DNAH14: variants seen among roughly 807,000 people sequenced by gnomAD.
DNAH14 encodes axonemal beta dynein heavy chain 14.
A neutral mutation model predicts 520.9 loss-of-function variants in DNAH14; 478 were observed. That is an observed-to-expected ratio of 0.92 (90% CI 0.85 to 0.99). The LOEUF is 0.99. Ranked by LOEUF, DNAH14 falls within the 50% of genes least tolerant of loss-of-function variation. The pLI is 0.00. For synonymous variants in DNAH14, 1,581 were observed against 1,757.2 expected, an observed-to-expected ratio of 0.90 and a Z score of 2.51; for missense variants, 4,831 against 5,234.5, an observed-to-expected ratio of 0.92 and a Z score of 2.38.
chr1:224,974,529 G>A (rs1361138779), intron 8 of DNAH14, among the ~76,000 whole-genome samples: 2 of 152,022 alleles, frequency 1.3e-5, no homozygotes, highest in Non-Finnish European at 2.9e-5. Flanking sequence ...TGAGATAATC[G>A]TGGATTGAGA....
At chr1:225,388,759 A>G (rs1334397371) in intron 82 of DNAH14, among the ~76,000 whole-genome samples, 2 of 152,186 alleles carry the variant, frequency 1.3e-5, no homozygotes, top group Non-Finnish European at 1.5e-5. Context: ...GAAATGTGAA[A>G]GGAAATAATT....
At chr1:224,958,476 G>A (rs551630968) in intron 3 of DNAH14, among the ~76,000 whole-genome samples, 3 of 152,120 alleles carry the variant, frequency 2.0e-5, no homozygotes, top group African/African-American at 7.2e-5. Context: ...TGGGAGTTTC[G>A]GATATTGGCA....
intron 10 of DNAH14, among the ~76,000 whole-genome samples, chr1:225,013,709 T>G (rs2064987279): frequency 6.6e-6 from 1 of 152,116 alleles, no homozygotes; most frequent in Non-Finnish European, 1.5e-5. Context: ...GGTGCTGTGG[T>G]AGGGTCTGCC....
chr1:225,251,115 A>G (rs982529504), intron 43 of DNAH14, among the ~76,000 whole-genome samples: 1 of 152,146 alleles, frequency 6.6e-6, no homozygotes, highest in Non-Finnish European at 1.5e-5. Context: ...AAGGAATTTG[A>G]CAGACTAAGA....
At chr1:225,351,603 A>C in intron 71 of DNAH14, 44 bp from the exon 72 acceptor site, 1 of 1,398,384 alleles carries the variant, frequency 7.2e-7, no homozygotes, top group South Asian at 1.5e-5. Flanking sequence ...CTAAAAGGTA[A>C]AGGTTTATCT....
chr1:224,995,210 C>A (rs1427298428), intron 8 of DNAH14, among the ~76,000 whole-genome samples: 1 of 152,054 alleles, frequency 6.6e-6, no homozygotes, highest in Non-Finnish European at 1.5e-5. Flanking sequence ...TTTTACAATT[C>A]CTGTAAAGCA....
intron 62 of DNAH14, 71 bp from the exon 63 acceptor site, chr1:225,324,151 T>C (rs924450328): frequency 6.6e-7 from 1 of 1,515,966 alleles, no homozygotes; most frequent in African/African-American, 1.4e-5. Context: ...TTCAATCTAG[T>C]GTAGACTGGG....
At chr1:225,307,257 T>C (rs2094265307) in intron 58 of DNAH14, among the ~76,000 whole-genome samples, 1 of 152,228 alleles carries the variant, frequency 6.6e-6, no homozygotes, top group Non-Finnish European at 1.5e-5. Flanking sequence ...CAATGGATAC[T>C]GATGCAGCAG....
intron 46 of DNAH14, among the ~76,000 whole-genome samples, chr1:225,260,414 T>C (rs903253905): frequency 3.3e-5 from 5 of 152,062 alleles, no homozygotes; most frequent in African/African-American, 1.2e-4. Flanking sequence ...TCTTGTCTGT[T>C]GTGAATAATG....
At chr1:225,228,607 TGG>T (rs34936665) in intron 41 of DNAH14, among the ~76,000 whole-genome samples, 2 of 151,390 alleles carry the variant, frequency 1.3e-5, no homozygotes, top group African/African-American at 4.9e-5. Context: ...CCCCCACTCC[TGG>T]GGGGGGTCAC....
chr1:225,188,910 T>G (rs754006579), intron 37 of DNAH14, among the ~76,000 whole-genome samples: 5 of 151,942 alleles, frequency 3.3e-5, no homozygotes, highest in Non-Finnish European at 7.4e-5. Flanking sequence ...TTAAATTTAT[T>G]CCTAGGCATT....
intron 17 of DNAH14, among the ~76,000 whole-genome samples, chr1:225,058,684 C>T (rs1187083807): frequency 6.6e-6 from 1 of 152,074 alleles, no homozygotes; most frequent in Non-Finnish European, 1.5e-5. Context: ...ATAAATTTCC[C>T]TCTACACACT....
chr1:225,167,812 TA>T (rs935012369), intron 35 of DNAH14, 126 bp from the exon 36 acceptor site: 7 of 510,268 alleles, frequency 1.4e-5, no homozygotes, highest in Non-Finnish European at 1.4e-5. Flanking sequence ...GTTGGTGAAC[TA>T]AAAAATCAAG....
intron 35 of DNAH14, among the ~76,000 whole-genome samples, chr1:225,167,053 T>C (rs2082101472): frequency 1.3e-5 from 2 of 152,216 alleles, no homozygotes; most frequent in South Asian, 4.1e-4. Flanking sequence ...TGTTATTAAC[T>C]GCAGAGGATT....
At position 225,265,977 on chromosome 1, in the gene DNAH14, A is replaced by G. The variant is rs74518456; in HGVS notation, c.7410+608A>G. 2.0e-3 allele frequency among the ~76,000 whole-genome samples: 309 copies of G among 152,246 alleles called. 6 individuals are homozygous for G. The highest frequency in any genetic ancestry group is 0.015 in the East Asian group (78 of 5,190). On this transcript the variant is annotated intron_variant, in intron 48 of 85. Coordinates refer to ENST00000682510, the MANE Select transcript of DNAH14 (RefSeq NM_001367479.1). ...ATTAGGTAATTACATAATTCCAAAC[A>G]TATGTCTATTTGTGGGTTTTTTACG...
chr1:225,195,855 A>G (rs770345430), intron 38 of DNAH14, among the ~76,000 whole-genome samples: 1 of 152,028 alleles, frequency 6.6e-6, no homozygotes, highest in Admixed American at 6.6e-5. Flanking sequence ...CAATATTGAT[A>G]GTGAATATTT....
At chr1:224,976,257 C>T (rs1334059769) in intron 8 of DNAH14, among the ~76,000 whole-genome samples, 5 of 152,094 alleles carry the variant, frequency 3.3e-5, no homozygotes, top group Non-Finnish European at 7.4e-5. Flanking sequence ...TGGTGTAGAG[C>T]TGAGTTCAAT....
intron 54 of DNAH14, among the ~76,000 whole-genome samples, chr1:225,281,694 A>G (rs1333107988): frequency 6.6e-6 from 1 of 152,222 alleles, no homozygotes; most frequent in African/African-American, 2.4e-5. Context: ...GATGTAATAT[A>G]TGTAACAATG....
intron 72 of DNAH14, among the ~76,000 whole-genome samples, chr1:225,353,016 C>A (rs1558497403): frequency 6.6e-6 from 1 of 151,982 alleles, no homozygotes; most frequent in Admixed American, 6.6e-5. Context: ...AAGTGAAGAT[C>A]TTTTTATTTT....
Sources: gnomAD v4.1 joint callset for allele counts (sites outside exome capture counted in the v4.1 genomes callset) on GRCh38, gnomAD v4.1.1 for gene constraint, MANE v1.5 for transcripts, NCBI Gene and HGNC (gene_info 2026-07-23, HGNC 2026-07-21) for gene names.